ADAM23: variants seen among roughly 807,000 people sequenced by gnomAD.
The protein encoded by ADAM23 is ADAM metallopeptidase domain 23.
In ADAM23, 33 loss-of-function variants were observed where a neutral mutation model predicts 120.1. The observed-to-expected ratio is 0.27, with a 90% confidence interval of 0.21 to 0.37. The LOEUF (loss-of-function observed/expected upper bound fraction) is 0.37, where lower values mean the gene tolerates loss of function less well. Ranked by LOEUF, ADAM23 falls within the 10% of genes least tolerant of loss-of-function variation. The pLI is 1.00. For missense variants in ADAM23, 862 were observed against 1,058.2 expected (o/e 0.81, Z 2.57); for synonymous variants, 367 against 375.2 (o/e 0.98, Z 0.25).
chr2:206,562,365 T>C (rs1697785725), intron 13 of ADAM23, 72 bp downstream of exon 13: 3 of 1,118,590 alleles, frequency 2.7e-6, no homozygotes, highest in Non-Finnish European at 2.6e-6. Flanking sequence ...AGTCAATAAA[T>C]AAATATTTTT....
rs569565620 is a variant in ADAM23, at chr2:206,453,804, G to A, written c.432+8280G>A. On this transcript the variant is annotated intron_variant, in intron 2 of 25. Coordinates refer to ENST00000264377, the MANE Select transcript of ADAM23 (RefSeq NM_003812.4). ...CAGCCTGGGACAGATGTGAACCTGT[G>A]AATTAGCACAATGTTTCAAATAAAG... Among the ~76,000 whole-genome samples, 5 of 152,350 alleles carry A rather than the reference G, an allele frequency of 3.3e-5. No homozygotes were observed. In the South Asian group the frequency reaches 6.2e-4, roughly 19 times the overall value.
At chr2:206,575,523 C>T (rs371912790) in intron 18 of ADAM23, among the ~76,000 whole-genome samples, 1 of 152,078 alleles carries the variant, frequency 6.6e-6, no homozygotes, top group African/African-American at 2.4e-5. Context: ...AGGGTTAGCT[C>T]CTCAGGACAA....
intron 3 of ADAM23, among the ~76,000 whole-genome samples, chr2:206,525,481 A>G (rs1399008342): frequency 5.3e-5 from 8 of 152,218 alleles, no homozygotes; most frequent in Admixed American, 5.2e-4. Context: ...CCCAAGGCCC[A>G]GTTAGCCACG....
chr2:206,614,912 A>G (rs1698905793), intron 25 of ADAM23, among the ~76,000 whole-genome samples: 1 of 152,112 alleles, frequency 6.6e-6, no homozygotes, highest in South Asian at 2.1e-4. Context: ...CTCCTGGGTT[A>G]GGCACTTTCT....
intron 24 of ADAM23, among the ~76,000 whole-genome samples, chr2:206,602,864 A>G (rs941905000): frequency 3.2e-4 from 49 of 152,214 alleles, no homozygotes; most frequent in African/African-American, 1.1e-3. Flanking sequence ...ACTGAAAATA[A>G]TAATAAACCA....
chr2:206,531,640 G>C (rs566997565), intron 4 of ADAM23, among the ~76,000 whole-genome samples: 1 of 152,294 alleles, frequency 6.6e-6, no homozygotes, highest in African/African-American at 2.4e-5. Flanking sequence ...GTCAGTCAGG[G>C]TGAAGATCCC....
At chr2:206,495,741 A>G (rs1284514961) in intron 3 of ADAM23, among the ~76,000 whole-genome samples, 2 of 152,246 alleles carry the variant, frequency 1.3e-5, no homozygotes, top group South Asian at 2.1e-4. Context: ...TCAGTGTGCT[A>G]TGTTCAGGAA....
chr2:206,555,404 C>T (rs1217845554), intron 9 of ADAM23, among the ~76,000 whole-genome samples: 2 of 152,152 alleles, frequency 1.3e-5, no homozygotes, highest in Non-Finnish European at 2.9e-5. Context: ...GCTCTACCCT[C>T]GTAGTGGTAC....
intron 3 of ADAM23, among the ~76,000 whole-genome samples, chr2:206,503,413 C>G (rs1458302125): frequency 6.6e-6 from 1 of 151,992 alleles, no homozygotes; most frequent in East Asian, 1.9e-4. Flanking sequence ...CTTATCAGCT[C>G]CTAAAACTAG....
intron 3 of ADAM23, among the ~76,000 whole-genome samples, chr2:206,516,944 A>G (rs1696745996): frequency 6.6e-6 from 1 of 152,118 alleles, no homozygotes; most frequent in Admixed American, 6.5e-5. Flanking sequence ...CCTCCTGATC[A>G]TTGTGGACAT....
chr2:206,454,260 C>T (rs557709788), intron 2 of ADAM23, among the ~76,000 whole-genome samples: 2 of 152,088 alleles, frequency 1.3e-5, no homozygotes, highest in East Asian at 3.9e-4. Flanking sequence ...GGGAAGCAAG[C>T]AAGTCTTACC....
At chr2:206,528,755 A>G (rs543636052) in intron 3 of ADAM23, among the ~76,000 whole-genome samples, 1 of 152,362 alleles carries the variant, frequency 6.6e-6, no homozygotes, top group East Asian at 1.9e-4. Flanking sequence ...TCAGAATAGC[A>G]GAATAGGGCA....
intron 4 of ADAM23, among the ~76,000 whole-genome samples, chr2:206,531,834 A>G (rs949151555): frequency 2.6e-5 from 4 of 152,198 alleles, no homozygotes; most frequent in African/African-American, 9.7e-5. Flanking sequence ...CCTTTCCCGT[A>G]TGTGGACTTG....
intron 6 of ADAM23, among the ~76,000 whole-genome samples, chr2:206,546,710 G>A (rs1020900857): frequency 6.6e-6 from 1 of 152,050 alleles, no homozygotes; most frequent in South Asian, 2.1e-4. Context: ...AGACAATGAT[G>A]TATCTCCCTG....
chr2:206,602,052 CTG>C, intron 24 of ADAM23, among the ~76,000 whole-genome samples: 1 of 152,204 alleles, frequency 6.6e-6, no homozygotes, highest in South Asian at 2.1e-4. Flanking sequence ...CTTTTGGTGA[CTG>C]TCTTCGTCAG....
chr2:206,540,779 C>T (rs996466535), intron 4 of ADAM23, among the ~76,000 whole-genome samples: 10 of 151,902 alleles, frequency 6.6e-5, no homozygotes, highest in African/African-American at 2.2e-4. Flanking sequence ...GCGGTTAAGT[C>T]CCCAATTCAC....
At chr2:206,523,030 C>T (rs990946840) in intron 3 of ADAM23, among the ~76,000 whole-genome samples, 14 of 152,118 alleles carry the variant, frequency 9.2e-5, no homozygotes, top group African/African-American at 3.4e-4. Flanking sequence ...TACCACCCTC[C>T]TCAGAAGGGA....
At chr2:206,575,341 C>T (rs1698090478) in intron 18 of ADAM23, among the ~76,000 whole-genome samples, 4 of 152,292 alleles carry the variant, frequency 2.6e-5, no homozygotes, top group African/African-American at 9.6e-5. Context: ...AGCATTTCCC[C>T]ATACTGTTAC....
At chr2:206,478,593 G>A (rs569049797) in intron 2 of ADAM23, among the ~76,000 whole-genome samples, 1 of 152,206 alleles carries the variant, frequency 6.6e-6, no homozygotes, top group African/African-American at 2.4e-5. Context: ...GGCCATTTAG[G>A]AGAAGGCTCA....
Sources: gnomAD v4.1 joint callset for allele counts (sites outside exome capture counted in the v4.1 genomes callset) on GRCh38, gnomAD v4.1.1 for gene constraint, MANE v1.5 for transcripts, NCBI Gene and HGNC (gene_info 2026-07-23, HGNC 2026-07-21) for gene names.